Variants in BRDT observed in about 807,000 individuals in gnomAD.
BRDT encodes bromodomain testis-specific protein.
BRDT carries 77 observed loss-of-function variants against 113.9 expected under a neutral mutation model. The observed-to-expected ratio is 0.68, with a 90% CI of 0.56 to 0.82. The LOEUF is 0.82. Ranked by LOEUF, BRDT falls within the 40% of genes least tolerant of loss-of-function variation. BRDT has a pLI of 0.00. For missense variants in BRDT, 1,027 were observed against 1,105.4 expected (o/e 0.93, Z 1.01); for synonymous variants, 358 against 366.5 (o/e 0.98, Z 0.26).
intron 1 of BRDT, among the ~76,000 whole-genome samples, chr1:91,951,603 C>T (rs891019544): frequency 6.6e-6 from 1 of 151,820 alleles, no homozygotes; most frequent in South Asian, 2.1e-4. Flanking sequence ...GAAACCCCGT[C>T]TCTACTAAAA....
Position 91,991,180 on chromosome 1 carries a change from G to T in BRDT, c.2003-4G>T. On this transcript the variant is annotated splice_region_variant and splice_polypyrimidine_tract_variant and intron_variant, in intron 12 of 18. Coordinates refer to ENST00000399546, the MANE Select transcript of BRDT (RefSeq NM_207189.4). Reference sequence around the variant, plus strand: ...TTAAAATATTTATGTGTATACATTTGCAGAAATGTTCCCTAAGTTTACAGA... The same window carrying T: ...TTAAAATATTTATGTGTATACATTTTCAGAAATGTTCCCTAAGTTTACAGA... 1 of 1,506,380 alleles carries T rather than the reference G, an allele frequency of 6.6e-7. No homozygotes were observed. The highest frequency in any genetic ancestry group is 9.1e-7 in the Non-Finnish European group (1 of 1,099,036). The allele number at this position is 1,506,380 out of a possible 1,614,324, so 93.3% of individuals were successfully genotyped here. A position where few individuals can be genotyped will look rare whatever the true frequency, so the allele number is the denominator to read the frequency against.
intron 4 of BRDT, among the ~76,000 whole-genome samples, chr1:91,972,968 G>T (rs982158828): frequency 3.3e-5 from 5 of 152,162 alleles, no homozygotes; most frequent in Non-Finnish European, 5.9e-5. Flanking sequence ...AAATAAAGCA[G>T]AATAAGAGCT....
At chr1:91,966,597 A>G (rs1214508994) in intron 3 of BRDT, among the ~76,000 whole-genome samples, 2 of 152,214 alleles carry the variant, frequency 1.3e-5, no homozygotes, top group African/African-American at 4.8e-5. Flanking sequence ...ACAATTCCAA[A>G]GGGTCCTTTC....
At position 92,004,571 on chromosome 1, in the gene BRDT, A is replaced by G. The variant is rs1214399816; in HGVS notation, c.2546A>G (p.His849Arg). 6.2e-7 allele frequency: 1 copy of G among 1,612,334 alleles called. No individual in the cohort carries two copies. Among genetic ancestry groups the G allele is most frequent in the Non-Finnish European group, 8.5e-7 (1 of 1,179,510 alleles). The change falls in exon 17 of 19, where the codon CAT becomes CGT. Residue 849 changes from histidine to arginine, a missense_variant. Transcript: ENST00000399546. Reference sequence around the variant, plus strand: ...CGGACACAGGAACTCATACGGAAGCATTTGGAACAAAATACAAAGGAACTA... The same window carrying G: ...CGGACACAGGAACTCATACGGAAGCGTTTGGAACAAAATACAAAGGAACTA... ...KARTQELIRK[H>R]LEQNTKELKA...
intron 12 of BRDT, among the ~76,000 whole-genome samples, chr1:91,987,906 A>G (rs914153965): frequency 1.3e-5 from 2 of 151,034 alleles, no homozygotes; most frequent in South Asian, 4.2e-4. Flanking sequence ...CTGGAGTGCA[A>G]TGGCACACTC....
chr1:91,979,505 A>C (rs769943885), intron 7 of BRDT, 64 bp from the exon 8 acceptor site: 103 of 1,465,330 alleles, frequency 7.0e-5, no homozygotes, highest in Non-Finnish European at 9.2e-5. Flanking sequence ...TTTTGTTAAA[A>C]GCTGTGATTG....
chr1:91,992,003 AAAAAAAAAAAAAAAAGAAAAG>A (rs1442034862), intron 13 of BRDT, among the ~76,000 whole-genome samples: 2 of 129,380 alleles, frequency 1.5e-5, no homozygotes, highest in Non-Finnish European at 3.4e-5. Context: ...AAAAAAAAAA[AAAAAAAAAAAAAAAAGAAAAG>A]AAAAAGAAAA....
Position 91,979,578 on chromosome 1 carries a change from G to A in BRDT, c.1108G>A (p.Glu370Lys), listed in dbSNP as rs1254168076. ...TAATTTTTCATTACAGGATGTTTTC[G>A]AAACGCATTTTTCAAAGATCCCGAT... ...TMARMLQDVF[E>K]THFSKIPIEP... The change falls in exon 8 of 19, where the codon GAA becomes AAA. Residue 370 changes from glutamate to lysine, a missense_variant. Transcript: ENST00000399546. 3 of 1,606,720 alleles carry A rather than the reference G, an allele frequency of 1.9e-6. No individual in the cohort carries two copies. Among genetic ancestry groups the A allele is most frequent in the African/African-American group, 2.7e-5 (2 of 74,482 alleles).
rs772740692 is a variant in BRDT, at chr1:91,979,695, G to T, written c.1225G>T (p.Gly409Trp). Residue 409 changes from glycine (G) to tryptophan (W), a missense_variant, in exon 8 of 19, where the codon GGG becomes TGG. Physicochemically the swap from Gly to Trp is radical, Grantham distance 184. Coordinates refer to ENST00000399546, the MANE Select transcript of BRDT (RefSeq NM_207189.4). ...GAACACTAATGAAGCCTCCTCTGAA[G>T]GGAACTCTTCTGATGATTCTGAAGA... The part of the protein sequence containing the change: ...RENTNEASSE[G>W]NSSDDSEDER... 2.5e-6 allele frequency: 4 copies of T among 1,613,916 alleles called. No homozygotes were observed. The highest frequency in any genetic ancestry group is 1.3e-5 in the African/African-American group (1 of 75,030).
At chr1:91,969,803 T>C (rs887405024) in intron 4 of BRDT, among the ~76,000 whole-genome samples, 33 of 150,398 alleles carry the variant, frequency 2.2e-4, no homozygotes, top group Non-Finnish European at 3.8e-4. Flanking sequence ...TTAAGTTTTT[T>C]TGTTTTTGTG....
chr1:91,991,960 C>G (rs1363402112), intron 13 of BRDT, among the ~76,000 whole-genome samples: 4 of 131,056 alleles, frequency 3.1e-5, no homozygotes, highest in African/African-American at 1.1e-4. Flanking sequence ...CCACTGCACT[C>G]CAGCCTGGGC....
intron 5 of BRDT, 144 bp from the exon 6 acceptor site, chr1:91,976,899 C>CTA: frequency 1.6e-6 from 1 of 626,148 alleles, no homozygotes; most frequent in Non-Finnish European, 2.6e-6. Context: ...ATATTTAATA[C>CTA]ATGGATTGAC....
At chr1:91,955,662 GAA>G (rs1481029019) in intron 1 of BRDT, among the ~76,000 whole-genome samples, 8 of 132,534 alleles carry the variant, frequency 6.0e-5, no homozygotes, top group Admixed American at 5.9e-4. Flanking sequence ...AAAAGAAACA[GAA>G]GATTAAAGTA....
At chr1:91,964,483 C>A in intron 2 of BRDT, 144 bp from the exon 3 acceptor site, 1 of 503,054 alleles carries the variant, frequency 2.0e-6, no homozygotes, top group Non-Finnish European at 3.2e-6. Flanking sequence ...GCGTGAGCCA[C>A]TGTGCCCAGC....
intron 11 of BRDT, 28 bp downstream of exon 11, chr1:91,981,409 T>TGTAA: frequency 6.5e-7 from 1 of 1,544,010 alleles, no homozygotes; most frequent in Non-Finnish European, 8.9e-7. Context: ...TTTGTTTGTA[T>TGTAA]GTATGTATGT....
At chr1:92,013,489 A>T (rs1687982125) in intron 18 of BRDT, among the ~76,000 whole-genome samples, 1 of 152,174 alleles carries the variant, frequency 6.6e-6, no homozygotes. Context: ...TTTATTTTTT[A>T]AAAATAATTT....
Position 91,979,626 on chromosome 1 carries a change from T to A in BRDT, c.1156T>A (p.Leu386Ile). 6.2e-7 allele frequency: 1 copy of A among 1,613,898 alleles called. No homozygotes were observed. The highest frequency in any genetic ancestry group is 8.5e-7 in the Non-Finnish European group (1 of 1,179,982). Residue 386 changes from leucine (L) to isoleucine (I), a missense_variant, in exon 8 of 19, where the codon TTA becomes ATA. Transcript: ENST00000399546. Reference protein sequence around the residue: ...IPIEPVESMPLCYIKTDITET... With the variant: ...IPIEPVESMPICYIKTDITET... ...GATTGAACCTGTTGAGAGTATGCCT[T>A]TATGTTACATCAAAACAGATATCAC...
At position 91,994,194 on chromosome 1, in the gene BRDT, G is replaced by C. The variant is rs755560359; in HGVS notation, c.2227G>C (p.Glu743Gln). The C allele has an allele frequency of 1.9e-6, 3 of 1,613,344 alleles. No individual in the cohort carries two copies. The highest frequency in any genetic ancestry group is 2.5e-6 in the Non-Finnish European group (3 of 1,179,554). Reference protein sequence around the residue: ...NHHQLAFNYQELEHLQTVKNI... With the variant: ...NHHQLAFNYQQLEHLQTVKNI... Reference sequence around the variant, plus strand: ...CCACCAATTAGCATTTAATTATCAAGAATTAGAACATTTACAGACTGTGAA... The same window carrying C: ...CCACCAATTAGCATTTAATTATCAACAATTAGAACATTTACAGACTGTGAA... Residue 743 changes from glutamate (E) to glutamine (Q), a missense_variant, in exon 15 of 19, where the codon GAA becomes CAA. Coordinates refer to ENST00000399546, the MANE Select transcript of BRDT (RefSeq NM_207189.4).
At position 91,981,256 on chromosome 1, in the gene BRDT, T is replaced by C; in HGVS notation, c.1751-12T>C. On this transcript the variant is annotated splice_polypyrimidine_tract_variant and intron_variant, in intron 10 of 18. Coordinates refer to ENST00000399546, the MANE Select transcript of BRDT (RefSeq NM_207189.4). The stretch of plus-strand genomic sequence containing the variant: ...TGGTTATACTCACTTTCTTCCCTCC[T>C]AAATCACACAGCTAAGAAAATAATG... The C allele has an allele frequency of 6.2e-7, 1 of 1,612,684 alleles. No individual in the cohort carries two copies. The highest frequency in any genetic ancestry group is 8.5e-7 in the Non-Finnish European group (1 of 1,179,208).
Sources: gnomAD v4.1 joint callset for allele counts (sites outside exome capture counted in the v4.1 genomes callset) on GRCh38, gnomAD v4.1.1 for gene constraint, MANE v1.5 for transcripts, NCBI Gene and HGNC (gene_info 2026-07-23, HGNC 2026-07-21) for gene names.